The following EMX1 variants were observed in gnomAD, a reference collection of about 807,000 sequenced individuals.
The protein encoded by EMX1 is homeobox protein EMX1.
A neutral mutation model predicts 20.1 loss-of-function variants in EMX1; 10 were observed. That is an observed-to-expected ratio of 0.50 (90% confidence interval 0.31 to 0.84). The LOEUF (loss-of-function observed/expected upper bound fraction) is 0.84, where lower values mean the gene tolerates loss of function less well. Among genes scored for constraint, EMX1 ranks in the 40% least tolerant of loss-of-function variants. The probability of loss-of-function intolerance (pLI) is 0.05; values close to 1 mark genes in which losing one functional copy is unlikely to be tolerated. For missense variants in EMX1, 424 were observed against 431.9 expected, an observed-to-expected ratio of 0.98 and a Z score of 0.16; for synonymous variants, 250 against 200.4, an observed-to-expected ratio of 1.25 and a Z score of -2.09.
chr2:72,917,905 C>A lies in EMX1; in HGVS notation c.53C>A (p.Ala18Glu), dbSNP rs745394066. Residue 18 changes from alanine (A) to glutamate (E), a missense_variant, in exon 1 of 3, where the codon GCG (alanine) becomes GAG (glutamate). Coordinates refer to ENST00000258106, the MANE Select transcript of EMX1 (RefSeq NM_004097.3). ...PRKAAAPGRGALPRARLPRTA... is the reference protein window; with the variant it reads ...PRKAAAPGRGELPRARLPRTA... ...AAGGCGGCGGCGCCAGGACGCGGAGCGCTCCCCAGAGCCCGGCTGCCTCGC... is the reference window on the plus strand; with the variant it reads ...AAGGCGGCGGCGCCAGGACGCGGAGAGCTCCCCAGAGCCCGGCTGCCTCGC... 3 of 1,481,670 alleles carry A rather than the reference C, an allele frequency of 2.0e-6. No individual in the cohort carries two copies. The highest frequency in any genetic ancestry group is 2.7e-6 in the Non-Finnish European group (3 of 1,123,796). The allele number at this position is 1,481,670 out of a possible 1,614,324, so 91.8% of individuals were successfully genotyped here. A position where few individuals can be genotyped will look rare whatever the true frequency, so the allele number is the denominator to read the frequency against.
At chr2:72,924,520 C>A in intron 2 of EMX1, 27 bp downstream of exon 2, 1 of 1,537,066 alleles carries the variant, frequency 6.5e-7, no homozygotes. Flanking sequence ...GCGGCCTGCC[C>A]TGCGCCCGGA....
intron 2 of EMX1, chr2:72,926,072 A>C (rs974234254): frequency 2.0e-6 from 2 of 983,642 alleles, no homozygotes; most frequent in Admixed American, 1.2e-4. Flanking sequence ...GTTTATAATT[A>C]ACTTCATTTA....
At chr2:72,916,922 T>G (rs887420090), upstream of EMX1, 2 of 717,254 alleles carry the variant, frequency 2.8e-6, no homozygotes, top group Non-Finnish European at 5.2e-6. Context: ...TCCGGCGGCT[T>G]CTCCCGCGCA....
In EMX1 at chr2:72,924,490, G is replaced by A; in HGVS notation, c.702G>A (p.Thr234=). The A allele has an allele frequency of 2.5e-6, 4 of 1,583,306 alleles. No homozygotes were observed. The highest frequency in any genetic ancestry group is 2.6e-6 in the Non-Finnish European group (3 of 1,168,940). ...CCGGCAGTCTCAGCCTCTCCGAGAC[G>A]CAGGTAATCACCCCCGGTCGCGGCC... ...QLAGSLSLSE[T]QVKVWFQNRR... The change falls in exon 2 of 3, where the codon ACG becomes ACA. Residue 234 remains threonine, a synonymous_variant. Transcript: ENST00000258106.
intron 1 of EMX1, 103 bp downstream of exon 1, chr2:72,918,475 C>T (rs918874853): frequency 5.4e-6 from 7 of 1,307,336 alleles, no homozygotes; most frequent in Non-Finnish European, 6.8e-6. Context: ...AAGTTACTGC[C>T]GGGAAGGCTG....
At chr2:72,927,878 T>G (rs772694966) in intron 2 of EMX1, among the ~76,000 whole-genome samples, 6 of 152,260 alleles carry the variant, frequency 3.9e-5, no homozygotes, top group African/African-American at 7.2e-5. Flanking sequence ...CCCCTTGCTC[T>G]CTGCTGTCAT....
intron 2 of EMX1, chr2:72,925,406 T>C: frequency 7.9e-7 from 1 of 1,258,398 alleles, no homozygotes; most frequent in Non-Finnish European, 1.0e-6. Context: ...AAATGCTGCC[T>C]GGGATCACTG....
upstream of EMX1, chr2:72,916,565 G>A (rs1241861358): frequency 8.1e-6 from 5 of 614,538 alleles, no homozygotes; most frequent in East Asian, 2.7e-5. Flanking sequence ...TTCGTCCGCC[G>A]TACGGAAAAA....
At chr2:72,922,057 C>A (rs1671112523) in intron 1 of EMX1, among the ~76,000 whole-genome samples, 1 of 152,202 alleles carries the variant, frequency 6.6e-6, no homozygotes, top group Non-Finnish European at 1.5e-5. Context: ...CCTATTCATA[C>A]ACACTTACGG....
chr2:72,928,660 G>T (rs1296301444), intron 2 of EMX1, among the ~76,000 whole-genome samples: 1 of 152,230 alleles, frequency 6.6e-6, no homozygotes, highest in Non-Finnish European at 1.5e-5. Context: ...TAGCTGAGCG[G>T]TGAAGGCAAA....
At chr2:72,925,347 T>C (rs983383248) in intron 2 of EMX1, 1 of 1,173,686 alleles carries the variant, frequency 8.5e-7, no homozygotes, top group Admixed American at 3.4e-5. Context: ...TAGATGAAAG[T>C]TATAGGGAGG....
At chr2:72,919,234 CT>C (rs1671057733) in intron 1 of EMX1, among the ~76,000 whole-genome samples, 2 of 151,556 alleles carry the variant, frequency 1.3e-5, no homozygotes, top group South Asian at 4.1e-4. Context: ...AATTATTTGT[CT>C]TTCCCGGAGA....
At chr2:72,931,972 G>C in intron 2 of EMX1, among the ~76,000 whole-genome samples, 1 of 152,208 alleles carries the variant, frequency 6.6e-6, no homozygotes, top group Non-Finnish European at 1.5e-5. Context: ...TGTAGGGGCA[G>C]CACCTCCTGG....
chr2:72,925,208 C>T (rs973816339), intron 2 of EMX1, among the ~76,000 whole-genome samples: 1 of 152,202 alleles, frequency 6.6e-6, no homozygotes, highest in African/African-American at 2.4e-5. Context: ...CTCTGAATCA[C>T]TGGAAAGGCT....
intron 1 of EMX1, among the ~76,000 whole-genome samples, chr2:72,920,643 G>T (rs774486170): frequency 6.6e-6 from 1 of 152,246 alleles, no homozygotes; most frequent in Non-Finnish European, 1.5e-5. Flanking sequence ...CCACACGAAC[G>T]AAAAGGAACA....
chr2:72,933,520 C>T (rs1309014039), intron 2 of EMX1: 3 of 480,050 alleles, frequency 6.2e-6, no homozygotes, highest in African/African-American at 3.9e-5. Flanking sequence ...GGATGCACAG[C>T]AGCTCTGTGA....
At chr2:72,918,549 C>G (rs1382980826) in intron 1 of EMX1, among the ~76,000 whole-genome samples, 177 bp downstream of exon 1, 6 of 152,244 alleles carry the variant, frequency 3.9e-5, no homozygotes, top group Admixed American at 3.9e-4. Flanking sequence ...GCGCCTTCGC[C>G]GCGTAGGTCT....
chr2:72,931,963 G>A (rs920122382), intron 2 of EMX1, among the ~76,000 whole-genome samples: 1 of 152,222 alleles, frequency 6.6e-6, no homozygotes, highest in African/African-American at 2.4e-5. Context: ...TGGGAAGGGT[G>A]TAGGGGCAGC....
chr2:72,922,865 G>T (rs188045469), intron 1 of EMX1, among the ~76,000 whole-genome samples: 78 of 152,336 alleles, frequency 5.1e-4, no homozygotes, highest in Non-Finnish European at 8.8e-4. Flanking sequence ...AAAGCAACAG[G>T]TCAAATCAAG....
Sources: allele counts gnomAD v4.1 joint callset (sites outside exome capture counted in the v4.1 genomes callset), GRCh38; gene constraint gnomAD v4.1.1; transcripts MANE v1.5; gene names NCBI Gene and HGNC (gene_info 2026-07-23, HGNC 2026-07-21).